The following TAFA2 variants were observed in gnomAD, a reference collection of about 807,000 sequenced individuals.
The protein encoded by TAFA2 is chemokine-like protein TAFA-2.
TAFA2 carries 7 observed loss-of-function variants against 18.8 expected under a neutral mutation model. That is an observed-to-expected ratio of 0.37 (90% CI 0.21 to 0.70). The LOEUF is 0.70. Ranked by LOEUF, TAFA2 falls within the 30% of genes least tolerant of loss-of-function variation. The pLI is 0.53. For missense variants in TAFA2, 122 were observed against 158.1 expected (o/e 0.77, Z 1.23); for synonymous variants, 60 against 54.2 (o/e 1.11, Z -0.47).
chr12:61,740,391 G>T (rs140099028), intron 4 of TAFA2, among the ~76,000 whole-genome samples: 20 of 151,892 alleles, frequency 1.3e-4, no homozygotes, highest in Non-Finnish European at 2.8e-4. Flanking sequence ...TAGATGATGG[G>T]TTAATGGGTG....
chr12:61,995,971 T>TG (rs143442955), intron 1 of TAFA2, among the ~76,000 whole-genome samples: 2,393 of 152,230 alleles, frequency 0.016, 64 homozygotes, highest in African/African-American at 0.054. Flanking sequence ...CCAATAATTC[T>TG]GTCCCCCTCC....
chr12:62,088,930 A>C (rs34330649), intron 1 of TAFA2, among the ~76,000 whole-genome samples: 2 of 150,034 alleles, frequency 1.3e-5, no homozygotes, highest in Non-Finnish European at 3.0e-5. Context: ...GTGTGTGTGC[A>C]CGCGCGCGCA....
chr12:61,992,473 T>C (rs1880044591), intron 1 of TAFA2, among the ~76,000 whole-genome samples: 1 of 152,158 alleles, frequency 6.6e-6, no homozygotes, highest in Non-Finnish European at 1.5e-5. Flanking sequence ...TCACTTGGAC[T>C]TCTTGCAAGA....
chr12:62,168,484 T>C (rs1167778378), intron 1 of TAFA2, among the ~76,000 whole-genome samples: 2 of 152,188 alleles, frequency 1.3e-5, no homozygotes, highest in Admixed American at 1.3e-4. Flanking sequence ...ACCTAAATTA[T>C]TCTGCTGATA....
chr12:61,749,154 T>G (rs1868884683), intron 4 of TAFA2, among the ~76,000 whole-genome samples: 1 of 150,978 alleles, frequency 6.6e-6, no homozygotes, highest in Non-Finnish European at 1.5e-5. Context: ...ATGCCAGTAA[T>G]CCTAGCTACT....
In TAFA2 at chr12:62,234,914, T is replaced by C. The variant is rs1019938342; in HGVS notation, c.-130+23849A>G. On this transcript the variant is annotated intron_variant, in intron 1 of 5. Transcript: ENST00000551619. ...TCATGGGCATCTTGTGGGGGCAACA[T>C]CTGAGCCACGGAGGGGGCATAGCCT... The C allele has an allele frequency of 3.3e-6, 3 of 902,496 alleles. No individual in the cohort carries two copies. The South Asian group carries it at 3.9e-5, about 12-fold the overall frequency. 55.9% of individuals were successfully genotyped at this position (902,496 alleles called of 1,614,324 possible). A position where few individuals can be genotyped will look rare whatever the true frequency, so the allele number is the denominator to read the frequency against.
intron 1 of TAFA2, among the ~76,000 whole-genome samples, chr12:62,101,747 C>T (rs1869215763): frequency 6.6e-6 from 1 of 152,156 alleles, no homozygotes; most frequent in Non-Finnish European, 1.5e-5. Context: ...AGTACCTACT[C>T]TAAGTCTAAT....
At chr12:61,887,389 T>G (rs538653249) in intron 1 of TAFA2, among the ~76,000 whole-genome samples, 7 of 152,288 alleles carry the variant, frequency 4.6e-5, no homozygotes, top group Non-Finnish European at 1.0e-4. Context: ...GATAAAGCCC[T>G]TAGAATCATG....
At chr12:61,788,680 A>G (rs1423305603) in intron 2 of TAFA2, among the ~76,000 whole-genome samples, 1 of 151,730 alleles carries the variant, frequency 6.6e-6, no homozygotes, top group Non-Finnish European at 1.5e-5. Context: ...AAAAATGAAG[A>G]GTAAAATAAA....
At chr12:61,857,792 A>ACT (rs35621852) in intron 2 of TAFA2, among the ~76,000 whole-genome samples, 74,739 of 151,640 alleles carry the variant, frequency 0.49, 18,580 homozygotes, top group African/African-American at 0.57. Flanking sequence ...CTCTCTTTAT[A>ACT]TCAAAGGTGT....
intron 1 of TAFA2, among the ~76,000 whole-genome samples, chr12:62,155,464 C>T (rs747571777): frequency 1.3e-5 from 2 of 152,120 alleles, no homozygotes; most frequent in East Asian, 3.9e-4. Context: ...TCATATAGAA[C>T]CAAAAGAGAG....
At chr12:62,123,011 T>C (rs924978821) in intron 1 of TAFA2, among the ~76,000 whole-genome samples, 6 of 152,234 alleles carry the variant, frequency 3.9e-5, no homozygotes, top group African/African-American at 1.4e-4. Flanking sequence ...TTCTAGGCTC[T>C]TCCAGCTACA....
intron 1 of TAFA2, among the ~76,000 whole-genome samples, chr12:62,085,343 C>T (rs1413631365): frequency 6.6e-6 from 1 of 152,104 alleles, no homozygotes; most frequent in Non-Finnish European, 1.5e-5. Flanking sequence ...TTATCCCAAG[C>T]TTAGCAGATT....
At chr12:61,748,034 A>T (rs1027781989) in intron 4 of TAFA2, among the ~76,000 whole-genome samples, 2 of 152,052 alleles carry the variant, frequency 1.3e-5, no homozygotes, top group African/African-American at 4.8e-5. Context: ...CATAGGAAAC[A>T]GTCAAATACC....
chr12:61,975,555 CTTTA>C (rs1399122005), intron 1 of TAFA2, among the ~76,000 whole-genome samples: 2 of 40,016 alleles, frequency 5.0e-5, no homozygotes, highest in Admixed American at 3.1e-4. Flanking sequence ...ATCCCAATTT[CTTTA>C]TTTACTCATC....
chr12:61,919,293 C>G (rs1437188747), intron 1 of TAFA2, among the ~76,000 whole-genome samples: 1 of 152,126 alleles, frequency 6.6e-6, no homozygotes, highest in Admixed American at 6.5e-5. Flanking sequence ...CAACCCTTTC[C>G]AGTTCCAACT....
At chr12:61,931,860 G>T (rs12300578) in intron 1 of TAFA2, among the ~76,000 whole-genome samples, 13,871 of 152,142 alleles carry the variant, frequency 0.091, 2,086 homozygotes, top group African/African-American at 0.31. Flanking sequence ...TGCCAGGATA[G>T]TTCTAAAGAT....
At chr12:61,725,238 G>T (rs1028905549) in intron 4 of TAFA2, among the ~76,000 whole-genome samples, 2 of 152,004 alleles carry the variant, frequency 1.3e-5, no homozygotes, top group African/African-American at 4.8e-5. Context: ...TGGGTTGTCT[G>T]TTTACTCTGC....
intron 1 of TAFA2, among the ~76,000 whole-genome samples, chr12:62,117,131 T>C (rs1261754779): frequency 3.9e-5 from 6 of 152,184 alleles, no homozygotes; most frequent in Admixed American, 6.6e-5. Flanking sequence ...TGTTCTTTAA[T>C]ATCACTCAGT....
Sources: gnomAD v4.1 joint callset for allele counts (sites outside exome capture counted in the v4.1 genomes callset) on GRCh38, gnomAD v4.1.1 for gene constraint, MANE v1.5 for transcripts, NCBI Gene and HGNC (gene_info 2026-07-23, HGNC 2026-07-21) for gene names.